AQP9: variants seen among roughly 807,000 people sequenced by gnomAD.
AQP9 encodes aquaporin-9.
Under a neutral mutation model 23.8 loss-of-function variants are expected in AQP9, and 19 were observed. That is an observed-to-expected ratio of 0.80 (90% CI 0.56 to 1.17). AQP9 has a LOEUF of 1.17. Among genes scored for constraint, AQP9 ranks in the 50% most tolerant of loss-of-function variants. The pLI is 0.00. For synonymous variants in AQP9, 153 were observed against 131.5 expected (o/e 1.16, Z -1.12); for missense variants, 413 against 362.0 (o/e 1.14, Z -1.14).
At chr15:58,170,066 A>T (rs1322518703) in intron 2 of AQP9, among the ~76,000 whole-genome samples, 1 of 152,140 alleles carries the variant, frequency 6.6e-6, no homozygotes, top group Non-Finnish European at 1.5e-5. Context: ...TGATTGTCCC[A>T]GCAACCTCGG....
intron 1 of AQP9, chr15:58,153,430 G>A (rs1380068812): frequency 2.6e-5 from 4 of 151,968 alleles, no homozygotes; most frequent in African/African-American, 9.7e-5. Context: ...TTTACATTAT[G>A]TGTAGGGGCA....
chr15:58,182,881 G>T (rs1482263330), intron 5 of AQP9, among the ~76,000 whole-genome samples: 1 of 152,176 alleles, frequency 6.6e-6, no homozygotes, highest in Non-Finnish European at 1.5e-5. Flanking sequence ...ATGGGGGTTT[G>T]ATTTGCTCAA....
intron 1 of AQP9, chr15:58,155,668 C>A (rs1898239223): frequency 6.6e-6 from 1 of 152,154 alleles, no homozygotes; most frequent in Admixed American, 6.5e-5. Flanking sequence ...TTCTCCTCCT[C>A]CTCTTCCTAA....
chr15:58,167,380 T>A (rs569794957), intron 2 of AQP9, among the ~76,000 whole-genome samples: 97 of 152,332 alleles, frequency 6.4e-4, no homozygotes, highest in African/African-American at 2.2e-3. Context: ...ACTGTGGAAA[T>A]GATCTGGTTA....
chr15:58,143,825 A>C (rs1333067638), intron 1 of AQP9, among the ~76,000 whole-genome samples: 6 of 152,156 alleles, frequency 3.9e-5, no homozygotes, highest in Non-Finnish European at 5.9e-5. Flanking sequence ...CCTTGTACAC[A>C]TGTTCACGAG....
In AQP9 at chr15:58,138,446, C is replaced by A; in HGVS notation, c.-120C>A. On this transcript the variant is annotated 5_prime_UTR_variant, in exon 1 of 6. Coordinates refer to ENST00000219919, the MANE Select transcript of AQP9 (RefSeq NM_020980.5). ...GCATTTGTACAGTCAGAGACTCTTA[C>A]CAGACATCTCCAGGAATCTGTGAGC... The A allele has an allele frequency of 1.4e-6, 1 of 717,454 alleles. No individual in the cohort carries two copies. Among genetic ancestry groups the A allele is most frequent in the African/African-American group, 1.8e-5 (1 of 56,172 alleles). The allele number at this position is 717,454 out of a possible 1,614,324, so 44.4% of individuals were successfully genotyped here.
intron 1 of AQP9, chr15:58,151,455 G>A (rs1437272038): frequency 6.6e-6 from 1 of 151,968 alleles, no homozygotes; most frequent in Non-Finnish European, 1.5e-5. Context: ...CCAATTAAAT[G>A]ATAATTCATC....
intron 1 of AQP9, among the ~76,000 whole-genome samples, chr15:58,158,426 C>A (rs1279101335): frequency 6.6e-6 from 1 of 152,076 alleles, no homozygotes; most frequent in Admixed American, 6.6e-5. Context: ...ATTTGCTCAT[C>A]CATGAGATGG....
chr15:58,161,544 TC>T (rs1331823106), intron 1 of AQP9, among the ~76,000 whole-genome samples: 1 of 152,162 alleles, frequency 6.6e-6, no homozygotes, highest in Non-Finnish European at 1.5e-5. Context: ...TTTCCCTCTC[TC>T]ACCAAAATTA....
chr15:58,178,975 T>A (rs2140633063), intron 4 of AQP9, among the ~76,000 whole-genome samples, 153 bp from the exon 5 acceptor site: 1 of 152,348 alleles, frequency 6.6e-6, no homozygotes, highest in Middle Eastern at 3.4e-3. Flanking sequence ...GCACAATTAT[T>A]CACCCAGTAC....
chr15:58,173,929 T>A (rs1222383310), intron 3 of AQP9, among the ~76,000 whole-genome samples: 3 of 152,168 alleles, frequency 2.0e-5, no homozygotes, highest in Non-Finnish European at 4.4e-5. Flanking sequence ...TAATACATTA[T>A]GACTTACCCA....
At chr15:58,179,453 T>A in intron 5 of AQP9, 108 bp downstream of exon 5, 2 of 913,782 alleles carry the variant, frequency 2.2e-6, no homozygotes, top group Non-Finnish European at 3.3e-6. Context: ...AGCGCCAACG[T>A]TAACTGCACA....
At chr15:58,163,051 T>C (rs1898415758) in intron 1 of AQP9, among the ~76,000 whole-genome samples, 1 of 152,172 alleles carries the variant, frequency 6.6e-6, no homozygotes, top group African/African-American at 2.4e-5. Context: ...CTGAGTCAAC[T>C]AGAAGGTGGT....
intron 3 of AQP9, among the ~76,000 whole-genome samples, chr15:58,174,163 C>G (rs1898687768): frequency 6.6e-6 from 1 of 152,030 alleles, no homozygotes; most frequent in South Asian, 2.1e-4. Context: ...TAACTCACAT[C>G]TGTAGTCCCA....
chr15:58,183,966 G>C lies in AQP9; in HGVS notation c.719G>C (p.Gly240Ala), dbSNP rs1336191253. ...AGWGFEVFRA[G>A]NNFWWIPVVG... Reference sequence around the variant, plus strand: ...AATTTCTTGTTTGATTTCAGAGCTGGAAACAACTTCTGGTGGATTCCTGTA... The same window carrying C: ...AATTTCTTGTTTGATTTCAGAGCTGCAAACAACTTCTGGTGGATTCCTGTA... The change falls in exon 6 of 6, where the codon GGA becomes GCA. Residue 240 changes from glycine (G) to alanine (A), a missense_variant. Coordinates refer to ENST00000219919, the MANE Select transcript of AQP9 (RefSeq NM_020980.5). 3 of 1,613,828 alleles carry C rather than the reference G, an allele frequency of 1.9e-6. No homozygotes were observed. The highest frequency in any genetic ancestry group is 2.5e-6 in the Non-Finnish European group (3 of 1,179,914).
chr15:58,183,009 G>T (rs1396567887), intron 5 of AQP9, among the ~76,000 whole-genome samples: 3 of 152,118 alleles, frequency 2.0e-5, no homozygotes, highest in Non-Finnish European at 2.9e-5. Flanking sequence ...TATACAAAAG[G>T]CCACATGGAA....
intron 1 of AQP9, among the ~76,000 whole-genome samples, chr15:58,159,102 G>A (rs1383128798): frequency 4.6e-5 from 7 of 152,108 alleles, no homozygotes; most frequent in Middle Eastern, 3.2e-3. Context: ...CCCTCTCTCC[G>A]TTCCCGGCAT....
Position 58,184,153 on chromosome 15 carries a change from G to C in AQP9, c.*18G>C. On this transcript the variant is annotated 3_prime_UTR_variant, in exon 6 of 6. Transcript: ENST00000219919. ...TCATGTAGTGGCATGCTCAGCTCTG[G>C]ATTTGCAGTCAGTTTGGGATTCTCT... 1 of 1,609,378 alleles carries C rather than the reference G, an allele frequency of 6.2e-7. No individual in the cohort carries two copies.
intron 1 of AQP9, among the ~76,000 whole-genome samples, chr15:58,161,392 G>A (rs1453901853): frequency 6.6e-6 from 1 of 151,962 alleles, no homozygotes; most frequent in East Asian, 1.9e-4. Flanking sequence ...GAACCTGATA[G>A]TAAAAAAAGC....
Sources: allele counts gnomAD v4.1 joint callset (sites outside exome capture counted in the v4.1 genomes callset), GRCh38; gene constraint gnomAD v4.1.1; transcripts MANE v1.5; gene names NCBI Gene and HGNC (gene_info 2026-07-23, HGNC 2026-07-21).